The following NALCN variants were observed in gnomAD, a reference collection of about 807,000 sequenced individuals.
The protein encoded by NALCN is sodium leak channel NALCN.
In NALCN, 111 loss-of-function variants were observed where a neutral mutation model predicts 225.3. The ratio of observed to expected loss-of-function variants is 0.49; its 90% CI spans 0.42 to 0.58. The LOEUF (loss-of-function observed/expected upper bound fraction) is 0.58. NALCN is among the 20% of genes least tolerant of loss of function. The pLI is 0.00. For synonymous variants in NALCN, 764 were observed against 769.0 expected, an observed-to-expected ratio of 0.99 and a Z score of 0.11; for missense variants, 1,378 against 2,202.4, an observed-to-expected ratio of 0.63 and a Z score of 7.49.
At chr13:101,100,214 C>T (rs1238253437) in intron 27 of NALCN, among the ~76,000 whole-genome samples, 1 of 152,098 alleles carries the variant, frequency 6.6e-6, no homozygotes, top group Non-Finnish European at 1.5e-5. Context: ...AACGCTGCTT[C>T]TTGGACATTT....
chr13:101,075,635 TTTAC>T (rs1443143847), intron 35 of NALCN, among the ~76,000 whole-genome samples: 1 of 151,912 alleles, frequency 6.6e-6, no homozygotes, highest in East Asian at 1.9e-4. Context: ...ATTTAAATAA[TTTAC>T]TTAATTATTG....
chr13:101,378,570 C>T lies in NALCN; in HGVS notation c.375G>A (p.Gln125=). 6.2e-7 allele frequency: 1 copy of T among 1,602,818 alleles called. No homozygotes were observed. The highest frequency in any genetic ancestry group is 8.5e-7 in the Non-Finnish European group (1 of 1,173,768). ...TGTAATTTAAAAAATATTTAATTAC[C>T]TGTAGCACCAAAGAAACCCAAAGGC... The part of the protein sequence containing the change: ...VFCLWVSLVL[Q]VFEIADIVDQ... Residue 125 remains glutamine (Q), a splice_region_variant and synonymous_variant, in exon 4 of 44, where the codon CAG becomes CAA. Transcript: ENST00000251127.
At chr13:101,405,079 C>T (rs1047197849) in intron 1 of NALCN, among the ~76,000 whole-genome samples, 2 of 152,182 alleles carry the variant, frequency 1.3e-5, no homozygotes, top group African/African-American at 4.8e-5. Context: ...CCAATAGCCA[C>T]AGAACTCAAA....
Position 101,295,879 on chromosome 13 carries a change from T to C in NALCN, c.800-3513A>G, listed in dbSNP as rs1052878091. On this transcript the variant is annotated intron_variant, in intron 7 of 43. Coordinates refer to ENST00000251127, the MANE Select transcript of NALCN (RefSeq NM_052867.4). ...AGCAAAAGAAATCACTTTTCAAAAA[T>C]GGTTTTCCAATGGTCGACCAATATT... 3.3e-4 allele frequency among the ~76,000 whole-genome samples: 50 copies of C among 152,238 alleles called. 1 individual carries two copies. The highest frequency in any genetic ancestry group is 1.2e-3 in the African/African-American group (49 of 41,462).
At chr13:101,282,221 C>T (rs1024430824) in intron 10 of NALCN, among the ~76,000 whole-genome samples, 1 of 152,016 alleles carries the variant, frequency 6.6e-6, no homozygotes, top group Admixed American at 6.6e-5. Flanking sequence ...TTTACTGCAG[C>T]GTTATTCACA....
chr13:101,378,632 C>G lies in NALCN; in HGVS notation c.313G>C (p.Asp105His). ...IVKGDSSYVK[D>H]RWCVFDGFMV... ...AATCCATCAAAAACACACCAGCGATCTTTCACATAGGAACTATCCCCCTAA... is the reference window on the plus strand; with the variant it reads ...AATCCATCAAAAACACACCAGCGATGTTTCACATAGGAACTATCCCCCTAA... Residue 105 changes from aspartate to histidine, a missense_variant, in exon 4 of 44, where the codon GAT becomes CAT. By Grantham distance (81) the Asp-to-His change is moderately conservative. Coordinates refer to ENST00000251127, the MANE Select transcript of NALCN (RefSeq NM_052867.4). 3.7e-6 allele frequency: 6 copies of G among 1,610,620 alleles called. No individual in the cohort carries two copies. The highest frequency in any genetic ancestry group is 5.1e-6 in the Non-Finnish European group (6 of 1,177,990).
At chr13:101,297,783 G>A (rs373943784) in intron 7 of NALCN, among the ~76,000 whole-genome samples, 15 of 152,074 alleles carry the variant, frequency 9.9e-5, no homozygotes, top group African/African-American at 2.7e-4. Flanking sequence ...CTGATTATCC[G>A]GCTTCATTTA....
intron 42 of NALCN, among the ~76,000 whole-genome samples, chr13:101,059,468 C>G (rs577590971): frequency 6.6e-6 from 1 of 152,214 alleles, no homozygotes; most frequent in Admixed American, 6.5e-5. Flanking sequence ...TCCTGTAAAC[C>G]ATACTCCATG....
Position 101,104,489 on chromosome 13 carries a change from C to T in NALCN, c.2757+41G>A, listed in dbSNP as rs2034994036. On this transcript the variant is annotated intron_variant, in intron 24 of 43. Transcript: ENST00000251127. This position sits in a 1 kb window ranked among gnomAD's most constrained non-coding sequence, Gnocchi z 4.2. ...GAAAAACAGCAGGTCAGTATTTTACCTCCTAGTTGTAAGCTGAGATTTTGC... is the reference window on the plus strand; with the variant it reads ...GAAAAACAGCAGGTCAGTATTTTACTTCCTAGTTGTAAGCTGAGATTTTGC... 1 of 1,613,174 alleles carries T rather than the reference C, an allele frequency of 6.2e-7. No individual in the cohort carries two copies. Among genetic ancestry groups the T allele is most frequent in the Non-Finnish European group, 8.5e-7 (1 of 1,179,496 alleles).
At position 101,107,678 on chromosome 13, in the gene NALCN, G is replaced by A. The variant is rs1315264819; in HGVS notation, c.2456+20C>T. On this transcript the variant is annotated intron_variant, in intron 21 of 43. Coordinates refer to ENST00000251127, the MANE Select transcript of NALCN (RefSeq NM_052867.4). ...TGCCATTCCCGAATGAGAGCCATGG[G>A]ACACTGCAGCAACCTGTACCTTTTC... The A allele has an allele frequency of 6.2e-7, 1 of 1,613,846 alleles. No individual in the cohort carries two copies. Among genetic ancestry groups the A allele is most frequent in the African/African-American group, 1.3e-5 (1 of 74,880 alleles).
chr13:101,261,418 T>C (rs1183495531), intron 10 of NALCN, among the ~76,000 whole-genome samples: 1 of 152,218 alleles, frequency 6.6e-6, no homozygotes, highest in Non-Finnish European at 1.5e-5. Context: ...AAGGATTCAA[T>C]TGCATCTGTA....
At chr13:101,326,437 T>C (rs1196933209) in intron 7 of NALCN, among the ~76,000 whole-genome samples, 1 of 152,184 alleles carries the variant, frequency 6.6e-6, no homozygotes, top group Non-Finnish European at 1.5e-5. Flanking sequence ...TCCCAACAAG[T>C]GCAAAATACT....
chr13:101,296,025 G>C (rs2043741212), intron 7 of NALCN, among the ~76,000 whole-genome samples: 1 of 152,158 alleles, frequency 6.6e-6, no homozygotes, highest in African/African-American at 2.4e-5. Context: ...TGCTGGCCCT[G>C]CACTGCTTCC....
intron 13 of NALCN, among the ~76,000 whole-genome samples, chr13:101,218,377 T>C (rs566039345): frequency 6.6e-6 from 1 of 152,236 alleles, no homozygotes; most frequent in Admixed American, 6.6e-5. Flanking sequence ...ATTAAGGTGT[T>C]AGCAGGGCTG....
At chr13:101,123,531 A>G (rs1393433344) in intron 18 of NALCN, among the ~76,000 whole-genome samples, 1 of 152,136 alleles carries the variant, frequency 6.6e-6, no homozygotes, top group Non-Finnish European at 1.5e-5. Context: ...CAGGTTGTCT[A>G]TTTCAATGAG....
intron 18 of NALCN, among the ~76,000 whole-genome samples, chr13:101,111,510 T>C (rs1360859865): frequency 2.0e-5 from 3 of 152,086 alleles, no homozygotes; most frequent in Non-Finnish European, 4.4e-5. Context: ...AAAATAATGG[T>C]AGAGCTTCTA....
Position 101,089,854 on chromosome 13 carries a change from C to G in NALCN, c.3382G>C (p.Val1128Leu). The G allele has an allele frequency of 6.2e-7, 1 of 1,614,098 alleles. No individual in the cohort carries two copies. The highest frequency in any genetic ancestry group is 8.5e-7 in the Non-Finnish European group (1 of 1,179,936). Reference sequence around the variant, plus strand: ...TCGATGTGCTCGCTTACCGGCCCCACACGATGAATAATAACATCTCTCACT... The same window carrying G: ...TCGATGTGCTCGCTTACCGGCCCCAGACGATGAATAATAACATCTCTCACT... ...VEVRDVIIHRVGPIHGIYIHV... is the reference protein window; with the variant it reads ...VEVRDVIIHRLGPIHGIYIHV... The change falls in exon 29 of 44, where the codon GTG (valine) becomes CTG (leucine). Residue 1128 changes from valine (V) to leucine (L), a missense_variant. Val to Leu is a conservative substitution (Grantham distance 32). This residue lies in a region of NALCN where 292 missense variants were observed against 409.5 expected (regional missense o/e 0.71). Coordinates refer to ENST00000251127, the MANE Select transcript of NALCN (RefSeq NM_052867.4). This position sits in a 1 kb window ranked among gnomAD's most constrained non-coding sequence, Gnocchi z 4.7.
intron 15 of NALCN, among the ~76,000 whole-genome samples, chr13:101,168,059 A>G (rs1275615663): frequency 1.3e-5 from 2 of 152,028 alleles, no homozygotes; most frequent in African/African-American, 2.4e-5. Context: ...AGTCTTTGAG[A>G]TCGTTGAACA....
intron 15 of NALCN, 137 bp from the exon 16 acceptor site, chr13:101,145,033 T>C (rs946990163): frequency 6.9e-6 from 6 of 866,864 alleles, no homozygotes; most frequent in Admixed American, 3.6e-5. Flanking sequence ...GCCTACCAAG[T>C]ATACCTCTCT....
Sources: allele counts gnomAD v4.1 joint callset (sites outside exome capture counted in the v4.1 genomes callset), GRCh38; gene constraint gnomAD v4.1.1; regional missense constraint gnomAD v4.1.1; non-coding constraint Gnocchi (gnomAD v3.1); transcripts MANE v1.5; gene names NCBI Gene and HGNC (gene_info 2026-07-23, HGNC 2026-07-21).